The following ABHD2 variants were observed in gnomAD, a reference collection of about 807,000 sequenced individuals.
The protein encoded by ABHD2 is abhydrolase domain containing 2, acylglycerol lipase, also known as monoacylglycerol lipase ABHD2.
Under a neutral mutation model 48.1 loss-of-function variants are expected in ABHD2, and 20 were observed. That is an observed-to-expected ratio of 0.42 (90% CI 0.29 to 0.60). The LOEUF (loss-of-function observed/expected upper bound fraction) is 0.60. ABHD2 is among the 20% of genes least tolerant of loss of function. ABHD2 has a pLI of 0.24. For synonymous variants in ABHD2, 209 were observed against 214.2 expected, an observed-to-expected ratio of 0.98 and a Z score of 0.21; for missense variants, 405 against 550.9, an observed-to-expected ratio of 0.74 and a Z score of 2.65.
At chr15:89,083,857 C>T (rs1158304249), upstream of ABHD2, among the ~76,000 whole-genome samples, 2 of 152,118 alleles carry the variant, frequency 1.3e-5, no homozygotes, top group East Asian at 3.8e-4. The surrounding 1 kb of genome is among the most constrained non-coding windows in gnomAD (Gnocchi z 5.1). Flanking sequence ...GGACTTAAAG[C>T]CTCTAAACAA....
chr15:89,152,759 T>A (rs1038102962), intron 4 of ABHD2, among the ~76,000 whole-genome samples: 7 of 152,160 alleles, frequency 4.6e-5, no homozygotes, highest in African/African-American at 1.7e-4. Context: ...ATAACTGAAA[T>A]TTTCATTGCT....
At chr15:89,144,490 A>G (rs532287178) in intron 3 of ABHD2, among the ~76,000 whole-genome samples, 16 of 152,356 alleles carry the variant, frequency 1.1e-4, no homozygotes, top group African/African-American at 3.6e-4. Flanking sequence ...TATTCATACA[A>G]TGAAATACTA....
intron 1 of ABHD2, among the ~76,000 whole-genome samples, chr15:89,093,173 CTTTTTTTTTT>C (rs71149272): frequency 1.4e-5 from 1 of 71,782 alleles, no homozygotes; most frequent in Non-Finnish European, 2.8e-5. Flanking sequence ...TTTTTTCATT[CTTTTTTTTTT>C]TTTTTTTTTT....
intron 1 of ABHD2, among the ~76,000 whole-genome samples, chr15:89,101,415 G>C (rs543897591): frequency 6.6e-6 from 1 of 152,146 alleles, no homozygotes; most frequent in Non-Finnish European, 1.5e-5. Context: ...GTACAGTGGC[G>C]TGGCAATTAC....
the ABHD2 span, among the ~76,000 whole-genome samples, chr15:89,042,154 G>C: frequency 6.6e-6 from 1 of 152,144 alleles, no homozygotes; most frequent in African/African-American, 2.4e-5. Flanking sequence ...CATCATAGCT[G>C]AGGACTCAAG....
chr15:89,067,485 T>C, the ABHD2 span, among the ~76,000 whole-genome samples: 3 of 152,108 alleles, frequency 2.0e-5, no homozygotes, highest in African/African-American at 7.2e-5. Flanking sequence ...AGCCCTGGAT[T>C]CTGTCCAAGC....
At chr15:89,071,081 C>T in the ABHD2 span, among the ~76,000 whole-genome samples, 1 of 151,956 alleles carries the variant, frequency 6.6e-6, no homozygotes, top group African/African-American at 2.4e-5. Flanking sequence ...AGGGAAGGCA[C>T]CAGGTTCAAG....
At chr15:89,048,013 G>A in the ABHD2 span, among the ~76,000 whole-genome samples, 4 of 151,456 alleles carry the variant, frequency 2.6e-5, no homozygotes. Flanking sequence ...TACATTTTGG[G>A]CATGATTTTG....
chr15:89,161,510 C>T (rs528338710), intron 5 of ABHD2, among the ~76,000 whole-genome samples: 2 of 152,314 alleles, frequency 1.3e-5, no homozygotes, highest in Non-Finnish European at 2.9e-5. Context: ...AAGTGATTCT[C>T]CTGCCTCAGC....
chr15:89,148,618 AAGG>A (rs1225930999), intron 3 of ABHD2, among the ~76,000 whole-genome samples: 2 of 152,232 alleles, frequency 1.3e-5, no homozygotes, highest in Non-Finnish European at 2.9e-5. Flanking sequence ...TCAGGCTTAC[AAGG>A]AGGAGAGTGC....
the ABHD2 span, among the ~76,000 whole-genome samples, chr15:89,072,050 G>A: frequency 6.6e-6 from 1 of 152,214 alleles, no homozygotes; most frequent in Non-Finnish European, 1.5e-5. Context: ...AGCTGTAAGA[G>A]TCATGTCACA....
chr15:89,100,685 T>C lies in ABHD2; in HGVS notation c.-107+12122T>C, dbSNP rs893375460. Among the ~76,000 whole-genome samples the C allele has an allele frequency of 2.0e-5, 3 of 152,034 alleles. No individual in the cohort carries two copies. The highest frequency in any genetic ancestry group is 4.8e-5 in the African/African-American group (2 of 41,370). ...GAGTTCGAGACCAGCCTGGCCAACA[T>C]AGTGAAACCCTGTCTCTACTAAAAA... On this transcript the variant is annotated intron_variant, in intron 1 of 10. Transcript: ENST00000352732. The surrounding 1 kb of genome is among the most constrained non-coding windows in gnomAD (Gnocchi z 4.4).
In ABHD2 at chr15:89,104,570, C is replaced by G. The variant is rs1236153666; in HGVS notation, c.-106-9155C>G. The stretch of plus-strand genomic sequence containing the variant: ...CCCAGTCGGCGTTGGGAAACCAGAA[C>G]GCTCAGGAACGGTGAGTCCCAGTTA... On this transcript the variant is annotated intron_variant, in intron 1 of 10. Transcript: ENST00000352732. This position sits in a 1 kb window ranked among gnomAD's most constrained non-coding sequence, Gnocchi z 4.4. 6.6e-6 allele frequency among the ~76,000 whole-genome samples: 1 copy of G among 152,200 alleles called. No individual in the cohort carries two copies. The highest frequency in any genetic ancestry group is 1.5e-5 in the Non-Finnish European group (1 of 68,042).
At chr15:89,170,892 C>T (rs1467662645) in intron 5 of ABHD2, among the ~76,000 whole-genome samples, 5 of 151,984 alleles carry the variant, frequency 3.3e-5, no homozygotes, top group East Asian at 3.9e-4. Context: ...CCGAGGGGGG[C>T]GGATCACAAG....
upstream of ABHD2, among the ~76,000 whole-genome samples, chr15:89,083,848 G>A (rs1901315614): frequency 6.6e-6 from 1 of 152,096 alleles, no homozygotes; most frequent in Non-Finnish European, 1.5e-5. This position sits in a 1 kb window ranked among gnomAD's most constrained non-coding sequence, Gnocchi z 5.1. Context: ...TGCATGCTGG[G>A]ACTTAAAGCC....
chr15:89,147,275 A>C (rs2050507819), intron 3 of ABHD2, among the ~76,000 whole-genome samples: 1 of 152,082 alleles, frequency 6.6e-6, no homozygotes, highest in Non-Finnish European at 1.5e-5. Flanking sequence ...TTTAAGGTTA[A>C]TACATTTTTT....
chr15:89,142,648 C>T (rs546966147), intron 3 of ABHD2, among the ~76,000 whole-genome samples: 3 of 152,268 alleles, frequency 2.0e-5, no homozygotes, highest in East Asian at 1.9e-4. Context: ...ACTCAGAGGA[C>T]CCCCACGGAG....
chr15:89,154,109 G>A (rs2050634005), intron 4 of ABHD2, among the ~76,000 whole-genome samples: 1 of 152,168 alleles, frequency 6.6e-6, no homozygotes, highest in South Asian at 2.1e-4. Context: ...GAGTCTTGCT[G>A]TGTTGCCCTG....
At chr15:89,135,533 TAGA>T in intron 3 of ABHD2, 1 of 1,352,482 alleles carries the variant, frequency 7.4e-7, no homozygotes, top group Non-Finnish European at 1.0e-6. Context: ...AAAACTACAC[TAGA>T]ACCAACTTAT....
Sources: gnomAD v4.1 joint callset for allele counts (sites outside exome capture counted in the v4.1 genomes callset) on GRCh38, gnomAD v4.1.1 for gene constraint, Gnocchi (gnomAD v3.1) non-coding constraint, MANE v1.5 for transcripts, NCBI Gene and HGNC (gene_info 2026-07-23, HGNC 2026-07-21) for gene names.